The following CSNK2A1 variants were observed in gnomAD, a reference collection of about 807,000 sequenced individuals.
CSNK2A1 encodes the protein casein kinase II subunit alpha.
Under a neutral mutation model 62.9 loss-of-function variants are expected in CSNK2A1, and 10 were observed. The observed-to-expected ratio is 0.16, with a 90% confidence interval of 0.10 to 0.27. CSNK2A1 has a LOEUF of 0.27. Ranked by LOEUF, CSNK2A1 falls within the 10% of genes least tolerant of loss-of-function variation. The probability of loss-of-function intolerance (pLI) is 1.00; values close to 1 mark genes in which losing one functional copy is unlikely to be tolerated. For synonymous variants in CSNK2A1, 124 were observed against 167.8 expected, an observed-to-expected ratio of 0.74 and a Z score of 2.02; for missense variants, 160 against 492.0, an observed-to-expected ratio of 0.33 and a Z score of 6.38.
intron 2 of CSNK2A1, among the ~76,000 whole-genome samples, chr20:509,055 T>C (rs1472387219): frequency 3.3e-5 from 5 of 152,126 alleles, no homozygotes; most frequent in Admixed American, 2.0e-4. Context: ...TAAGTAGGGG[T>C]GCTAAAAGGT....
intron 1 of CSNK2A1, among the ~76,000 whole-genome samples, chr20:532,415 G>A (rs1243535364): frequency 2.0e-5 from 3 of 148,488 alleles, no homozygotes; most frequent in African/African-American, 7.5e-5. Flanking sequence ...CTGATCTTGT[G>A]ATCTGCCCGC....
intron 2 of CSNK2A1, among the ~76,000 whole-genome samples, chr20:522,335 T>G (rs1373156025): frequency 6.6e-6 from 1 of 152,252 alleles, no homozygotes; most frequent in African/African-American, 2.4e-5. Context: ...ATCACTAGTG[T>G]TAAGTCACTT....
At chr20:528,983 C>A (rs928937209) in intron 1 of CSNK2A1, among the ~76,000 whole-genome samples, 1 of 152,230 alleles carries the variant, frequency 6.6e-6, no homozygotes, top group African/African-American at 2.4e-5. Flanking sequence ...CCGCAGTCAA[C>A]TGCAGTCTGA....
intron 7 of CSNK2A1, chr20:496,088 G>A: frequency 3.0e-6 from 1 of 334,226 alleles, no homozygotes; most frequent in South Asian, 3.5e-5. Context: ...AAATTTTTCT[G>A]TCTTGTCCAG....
chr20:505,913 C>G (rs1198826051), intron 3 of CSNK2A1: 1 of 119,138 alleles, frequency 8.4e-6, no homozygotes, highest in Admixed American at 1.2e-4. Flanking sequence ...CTTGCTCTGT[C>G]GCCCAGGCTG....
chr20:535,331 C>A (rs2019295084), intron 1 of CSNK2A1, among the ~76,000 whole-genome samples: 1 of 152,210 alleles, frequency 6.6e-6, no homozygotes, highest in African/African-American at 2.4e-5. Flanking sequence ...AACCTTCTCA[C>A]AATAAATTAT....
At chr20:503,929 G>A (rs1024920365) in intron 4 of CSNK2A1, among the ~76,000 whole-genome samples, 4 of 152,212 alleles carry the variant, frequency 2.6e-5, no homozygotes, top group African/African-American at 7.2e-5. Flanking sequence ...TGTAATCCCA[G>A]CACTTTGGGA....
intron 1 of CSNK2A1, among the ~76,000 whole-genome samples, chr20:530,059 G>A (rs868794287): frequency 4.6e-5 from 7 of 151,994 alleles, no homozygotes; most frequent in Non-Finnish European, 7.4e-5. Context: ...GTGTGTTTTC[G>A]TATATTCACA....
In CSNK2A1 at chr20:475,556, A is replaced by C. The variant is rs892421865; in HGVS notation, c.*8405T>G. ...GGTTGCCTTCTGTTCCTACTGATATATATGAATAGTATGGCTGATTGCATT... is the reference window on the plus strand; with the variant it reads ...GGTTGCCTTCTGTTCCTACTGATATCTATGAATAGTATGGCTGATTGCATT... On this transcript the variant is annotated 3_prime_UTR_variant, in exon 14 of 14. Coordinates refer to ENST00000217244, the MANE Select transcript of CSNK2A1 (RefSeq NM_177559.3). The C allele has an allele frequency of 1.3e-5, 2 of 151,984 alleles. No individual in the cohort carries two copies. The highest frequency in any genetic ancestry group is 4.8e-5 in the African/African-American group (2 of 41,364). 9.4% of individuals were successfully genotyped at this position (151,984 alleles called of 1,614,324 possible). A position where few individuals can be genotyped will look rare whatever the true frequency, so the allele number is the denominator to read the frequency against.
chr20:487,284 C>G, intron 12 of CSNK2A1, 143 bp downstream of exon 12: 1 of 1,117,020 alleles, frequency 9.0e-7, no homozygotes, highest in Non-Finnish European at 1.3e-6. Flanking sequence ...AATGTAGTTG[C>G]CATCACTATC....
rs114285156 is a variant in CSNK2A1, at chr20:484,151, G to A, written c.1061-75C>T. The A allele has an allele frequency of 1.4e-3, 1,659 of 1,202,486 alleles. 19 individuals carry two copies. In the African/African-American group the frequency reaches 0.024, roughly 17 times the overall value. The allele number at this position is 1,202,486 out of a possible 1,614,324, so 74.5% of individuals were successfully genotyped here. On this transcript the variant is annotated intron_variant, in intron 13 of 13. Transcript: ENST00000217244. ...TTACCAGTTTCTCATAGCACTCACT[G>A]CAAAAGGAACACAATAATTCTTTAC... is the stretch of plus-strand genomic sequence containing the variant.
chr20:525,780 G>A (rs1009977932), intron 2 of CSNK2A1, among the ~76,000 whole-genome samples: 2 of 146,244 alleles, frequency 1.4e-5, no homozygotes, highest in African/African-American at 5.0e-5. Flanking sequence ...GGAGTTTGGA[G>A]ACCAGCCTAG....
intron 1 of CSNK2A1, among the ~76,000 whole-genome samples, chr20:534,521 G>A (rs1332932654): frequency 6.6e-6 from 1 of 152,108 alleles, no homozygotes; most frequent in Non-Finnish European, 1.5e-5. Flanking sequence ...CACCTTGCTG[G>A]CTGGGGGCTG....
At chr20:487,671 C>T (rs2018128794) in intron 11 of CSNK2A1, 96 bp from the exon 12 acceptor site, 2 of 1,556,648 alleles carry the variant, frequency 1.3e-6, no homozygotes, top group East Asian at 4.5e-5. Context: ...ACAGCCCAGA[C>T]AAAAGCAAAG....
chr20:486,534 G>T (rs2018103205), intron 12 of CSNK2A1, 72 bp from the exon 13 acceptor site: 11 of 1,541,036 alleles, frequency 7.1e-6, no homozygotes, highest in Non-Finnish European at 9.8e-6. Context: ...AAGCCTGAAA[G>T]CAGCCAGCTT....
rs1010887569 is a variant in CSNK2A1 at position 543,763 on chromosome 20, C to A, written c.-318G>T. ...TGGAGGAGGAGACACACGGCTCGGC[C>A]GCCAGCCGCAGGGACCAGAGCGAGG... On this transcript the variant is annotated 5_prime_UTR_variant, in exon 1 of 14. Transcript: ENST00000217244. The A allele has an allele frequency of 5.0e-6, 2 of 398,310 alleles. No individual in the cohort carries two copies. The highest frequency in any genetic ancestry group is 3.6e-5 in the East Asian group (1 of 28,064). The allele number at this position is 398,310 out of a possible 1,614,324, so 24.7% of individuals were successfully genotyped here.
chr20:491,714 G>A (rs2018239075), intron 9 of CSNK2A1, among the ~76,000 whole-genome samples: 1 of 151,904 alleles, frequency 6.6e-6, no homozygotes, highest in Admixed American at 6.6e-5. Context: ...ACGAGGGCAG[G>A]AGATCGAGAC....
At position 472,609 on chromosome 20, in the gene CSNK2A1, G is replaced by A. The variant is rs887397055; in HGVS notation, c.*11352C>T. ...ATTTAGCACAAATTTAATGACAAAGGCTTGGAGCAAACACAATTTGTGGGC... is the reference window on the plus strand; with the variant it reads ...ATTTAGCACAAATTTAATGACAAAGACTTGGAGCAAACACAATTTGTGGGC... On this transcript the variant is annotated 3_prime_UTR_variant, in exon 14 of 14. Coordinates refer to ENST00000217244, the MANE Select transcript of CSNK2A1 (RefSeq NM_177559.3). 1 of 152,204 alleles carries A rather than the reference G, an allele frequency of 6.6e-6. No homozygotes were observed. The highest frequency in any genetic ancestry group is 2.4e-5 in the African/African-American group (1 of 41,428). 9.4% of individuals were successfully genotyped at this position (152,204 alleles called of 1,614,324 possible).
intron 2 of CSNK2A1, among the ~76,000 whole-genome samples, chr20:525,624 C>A (rs2019066439): frequency 7.0e-6 from 1 of 143,414 alleles, no homozygotes; most frequent in African/African-American, 2.6e-5. Flanking sequence ...GCACTCCAGC[C>A]TGGGCGACAG....
Sources: allele counts gnomAD v4.1 joint callset (sites outside exome capture counted in the v4.1 genomes callset), GRCh38; gene constraint gnomAD v4.1.1; transcripts MANE v1.5; gene names NCBI Gene and HGNC (gene_info 2026-07-23, HGNC 2026-07-21).